The following PICALM variants were observed in gnomAD, a reference collection of about 807,000 sequenced individuals.
PICALM encodes the protein phosphatidylinositol binding clathrin assembly protein, also known as phosphatidylinositol-binding clathrin assembly protein.
A neutral mutation model predicts 80.5 loss-of-function variants in PICALM; 40 were observed. The ratio of observed to expected loss-of-function variants is 0.50; its 90% CI spans 0.39 to 0.65. The LOEUF is 0.65. PICALM is among the 30% of genes least tolerant of loss of function. The pLI, the probability that PICALM is intolerant of heterozygous loss-of-function variation, is 0.00. For synonymous variants in PICALM, 288 were observed against 260.3 expected (o/e 1.11, Z -1.02); for missense variants, 676 against 778.9 (o/e 0.87, Z 1.57).
intron 19 of PICALM, among the ~76,000 whole-genome samples, chr11:85,960,367 T>A (rs1433179850): frequency 2.6e-5 from 4 of 152,236 alleles, no homozygotes. Flanking sequence ...TGCAGAATCC[T>A]TCTAATCGAA....
At chr11:85,993,593 C>G (rs917693022) in intron 12 of PICALM, among the ~76,000 whole-genome samples, 1 of 149,740 alleles carries the variant, frequency 6.7e-6, no homozygotes, top group Non-Finnish European at 1.5e-5. Context: ...TGCACACCAC[C>G]ACACCCAGCT....
intron 9 of PICALM, among the ~76,000 whole-genome samples, chr11:86,002,221 G>C (rs1048527068): frequency 6.6e-6 from 1 of 151,970 alleles, no homozygotes; most frequent in Non-Finnish European, 1.5e-5. Context: ...AATCTTACTA[G>C]AAAATTCAAA....
intron 17 of PICALM, 63 bp downstream of exon 17, chr11:85,981,066 T>G: frequency 1.2e-6 from 1 of 806,718 alleles, no homozygotes; most frequent in Non-Finnish European, 2.2e-6. Context: ...TAAAAACATT[T>G]TCATGTTACA....
Position 86,068,891 on chromosome 11 carries a change from T to G in PICALM, c.-111A>C. On this transcript the variant is annotated 5_prime_UTR_variant, in exon 1 of 20. Coordinates refer to ENST00000393346, the MANE Select transcript of PICALM (RefSeq NM_007166.4). Reference sequence around the variant, plus strand: ...GCACCCCCTACCCCCACCGGCTCCTTCCCCGCCTGCCGGCCTGGGGCGCGG... The same window carrying G: ...GCACCCCCTACCCCCACCGGCTCCTGCCCCGCCTGCCGGCCTGGGGCGCGG... The G allele has an allele frequency of 7.2e-7, 1 of 1,387,038 alleles. No individual in the cohort carries two copies. The highest frequency in any genetic ancestry group is 9.5e-7 in the Non-Finnish European group (1 of 1,057,232). The allele number at this position is 1,387,038 out of a possible 1,614,324, so 85.9% of individuals were successfully genotyped here.
At chr11:85,972,446 C>T (rs1249251660) in intron 19 of PICALM, among the ~76,000 whole-genome samples, 1 of 152,212 alleles carries the variant, frequency 6.6e-6, no homozygotes, top group Non-Finnish European at 1.5e-5. Context: ...AAGAACCCTT[C>T]CAAGTCTGTC....
At position 85,989,791 on chromosome 11, in the gene PICALM, G is replaced by T. The variant is rs139583609; in HGVS notation, c.1408+459C>A. Among the ~76,000 whole-genome samples, 301 of 152,048 alleles carry T rather than the reference G, an allele frequency of 2.0e-3. 3 individuals are homozygous for T. The East Asian group carries it at 0.033, about 16-fold the overall frequency. On this transcript the variant is annotated intron_variant, in intron 13 of 19. Coordinates refer to ENST00000393346, the MANE Select transcript of PICALM (RefSeq NM_007166.4). ...ATTTTGGACAATATAAAACTGTGAC[G>T]TGCAACAGTTAAAAGAGAAATAAAA...
At position 85,987,457 on chromosome 11, in the gene PICALM, A is replaced by T. The variant is rs149214471; in HGVS notation, c.1408+2793T>A. 3.1e-3 allele frequency among the ~76,000 whole-genome samples: 473 copies of T among 152,302 alleles called. 4 individuals carry two copies. Among genetic ancestry groups the T allele is most frequent in the South Asian group, 0.011 (51 of 4,826 alleles). On this transcript the variant is annotated intron_variant, in intron 13 of 19. Coordinates refer to ENST00000393346, the MANE Select transcript of PICALM (RefSeq NM_007166.4). ...ATTAAAAACAACCCAAATTTTATGA[A>T]CTTCTTGAGCTTTTCATTGCTAATA...
chr11:86,009,265 C>T (rs1188190882), intron 7 of PICALM, among the ~76,000 whole-genome samples: 7 of 124,282 alleles, frequency 5.6e-5, no homozygotes, highest in African/African-American at 1.9e-4. Context: ...GGCACTCCAG[C>T]CTGGGTGACA....
intron 19 of PICALM, among the ~76,000 whole-genome samples, chr11:85,967,747 C>G (rs1234491119): frequency 6.6e-6 from 1 of 151,882 alleles, no homozygotes; most frequent in Admixed American, 6.6e-5. Context: ...AAAACCAAAA[C>G]GAAACCTAAA....
At position 85,976,688 on chromosome 11, in the gene PICALM, A is replaced by G. The variant is rs563197514; in HGVS notation, c.1780-6T>C. 6.4e-7 allele frequency: 1 copy of G among 1,560,930 alleles called. No homozygotes were observed. Among genetic ancestry groups the G allele is most frequent in the Non-Finnish European group, 8.8e-7 (1 of 1,131,966 alleles). ...TAGGCCATTACAGGGGGTGCCTAACATAGTGAAAGGAAAAATGAACAAGAA... is the reference window on the plus strand; with the variant it reads ...TAGGCCATTACAGGGGGTGCCTAACGTAGTGAAAGGAAAAATGAACAAGAA... On this transcript the variant is annotated splice_region_variant and splice_polypyrimidine_tract_variant and intron_variant, in intron 17 of 19. Coordinates refer to ENST00000393346, the MANE Select transcript of PICALM (RefSeq NM_007166.4).
At chr11:86,058,826 G>C (rs1051486146) in intron 1 of PICALM, among the ~76,000 whole-genome samples, 1 of 152,130 alleles carries the variant, frequency 6.6e-6, no homozygotes. Flanking sequence ...GCACCTTCTA[G>C]AGTTGTGCAA....
intron 19 of PICALM, among the ~76,000 whole-genome samples, chr11:85,966,412 G>T (rs898317836): frequency 2.0e-5 from 3 of 152,152 alleles, no homozygotes; most frequent in African/African-American, 7.2e-5. Flanking sequence ...TCAGGGAATA[G>T]GAACAATTTC....
intron 5 of PICALM, among the ~76,000 whole-genome samples, chr11:86,013,630 A>C (rs1418156282): frequency 6.6e-6 from 1 of 152,234 alleles, no homozygotes; most frequent in African/African-American, 2.4e-5. Context: ...ACAAAGTACA[A>C]TACAGACATT....
intron 13 of PICALM, among the ~76,000 whole-genome samples, chr11:85,989,079 T>C (rs191263164): frequency 2.2e-4 from 33 of 152,326 alleles, no homozygotes; most frequent in African/African-American, 7.2e-4. Flanking sequence ...ACACTGATCA[T>C]TGTATCAGAT....
At chr11:86,030,785 G>A (rs1458812765) in intron 2 of PICALM, among the ~76,000 whole-genome samples, 1 of 152,166 alleles carries the variant, frequency 6.6e-6, no homozygotes, top group Non-Finnish European at 1.5e-5. Context: ...CTTTGAAGTA[G>A]GCAAAGTGCT....
intron 2 of PICALM, among the ~76,000 whole-genome samples, chr11:86,026,798 C>A (rs1266910243): frequency 6.6e-6 from 1 of 152,168 alleles, no homozygotes; most frequent in African/African-American, 2.4e-5. Flanking sequence ...CCAGATTAAA[C>A]AAATTCACAT....
At chr11:86,048,091 A>C (rs532690567) in intron 1 of PICALM, among the ~76,000 whole-genome samples, 2 of 152,120 alleles carry the variant, frequency 1.3e-5, no homozygotes, top group African/African-American at 4.8e-5. Flanking sequence ...ACAAGGCCAA[A>C]ACTCCGTCTC....
At chr11:86,028,131 T>G (rs138910328) in intron 2 of PICALM, among the ~76,000 whole-genome samples, 96 of 152,342 alleles carry the variant, frequency 6.3e-4, no homozygotes, top group African/African-American at 2.3e-3. Context: ...TATATTTAGC[T>G]GCAAAGACAT....
intron 9 of PICALM, among the ~76,000 whole-genome samples, chr11:86,001,966 T>C (rs1318567932): frequency 6.6e-6 from 1 of 152,194 alleles, no homozygotes; most frequent in Non-Finnish European, 1.5e-5. Flanking sequence ...TTTCTACTCT[T>C]AAGCACGTAA....
Sources: gnomAD v4.1 joint callset for allele counts (sites outside exome capture counted in the v4.1 genomes callset) on GRCh38, gnomAD v4.1.1 for gene constraint, MANE v1.5 for transcripts, NCBI Gene and HGNC (gene_info 2026-07-23, HGNC 2026-07-21) for gene names.